Variants in PTPRD observed in about 807,000 individuals in gnomAD.
PTPRD encodes the protein protein tyrosine phosphatase receptor type D, also known as receptor-type tyrosine-protein phosphatase delta.
PTPRD carries 34 observed loss-of-function variants against 214.5 expected under a neutral mutation model. That is an observed-to-expected ratio of 0.16 (90% CI 0.12 to 0.21). The LOEUF (loss-of-function observed/expected upper bound fraction) is 0.21. Among genes scored for constraint, PTPRD ranks in the 10% least tolerant of loss-of-function variants. The pLI, the probability that PTPRD is intolerant of heterozygous loss-of-function variation, is 1.00. For synonymous variants in PTPRD, 1,128 were observed against 845.7 expected (o/e 1.33, Z -5.79); for missense variants, 2,545 against 2,398.7 (o/e 1.06, Z -1.27).
chr9:9,058,553 C>T (rs1415787960), intron 10 of PTPRD, among the ~76,000 whole-genome samples: 1 of 143,322 alleles, frequency 7.0e-6, no homozygotes, highest in Non-Finnish European at 1.5e-5. Flanking sequence ...GGGTTCACGC[C>T]ATTCTCCTGC....
At chr9:10,594,570 CA>C (rs2076207838) in intron 2 of PTPRD, among the ~76,000 whole-genome samples, 1 of 151,982 alleles carries the variant, frequency 6.6e-6, no homozygotes, top group African/African-American at 2.4e-5. Flanking sequence ...CTACATTTCT[CA>C]AACAACCTGC....
At chr9:9,579,270 G>A (rs2090007986) in intron 7 of PTPRD, among the ~76,000 whole-genome samples, 3 of 152,168 alleles carry the variant, frequency 2.0e-5, no homozygotes, top group Admixed American at 6.6e-5. Context: ...GCCAAGAAGT[G>A]TGTCAAAGTC....
intron 11 of PTPRD, among the ~76,000 whole-genome samples, chr9:8,852,995 T>C (rs114883067): frequency 6.6e-6 from 1 of 152,126 alleles, no homozygotes. Flanking sequence ...ACGGATGTAA[T>C]ACGTAAAGTA....
chr9:9,081,350 G>A (rs1182330025), intron 10 of PTPRD, among the ~76,000 whole-genome samples: 2 of 152,140 alleles, frequency 1.3e-5, no homozygotes, highest in Non-Finnish European at 1.5e-5. Context: ...TTGCACTGTG[G>A]TCTGAGAGAC....
At chr9:9,301,631 G>C (rs183869488) in intron 9 of PTPRD, among the ~76,000 whole-genome samples, 1 of 151,778 alleles carries the variant, frequency 6.6e-6, no homozygotes, top group African/African-American at 2.4e-5. Context: ...TACTGAAGCC[G>C]ACTTTTGATG....
At chr9:10,005,684 A>G (rs868010804) in intron 4 of PTPRD, among the ~76,000 whole-genome samples, 63 of 152,194 alleles carry the variant, frequency 4.1e-4, no homozygotes, top group African/African-American at 1.4e-3. Context: ...TCCCTCTGGC[A>G]TGACACTATA....
intron 9 of PTPRD, among the ~76,000 whole-genome samples, chr9:9,363,694 G>A (rs1596396487): frequency 6.6e-6 from 1 of 151,244 alleles, no homozygotes; most frequent in Non-Finnish European, 1.5e-5. Context: ...ATATTCAGCA[G>A]CCTTTCCTAC....
intron 36 of PTPRD, among the ~76,000 whole-genome samples, chr9:8,394,508 TC>T: frequency 6.6e-6 from 1 of 152,284 alleles, no homozygotes; most frequent in Non-Finnish European, 1.5e-5. Context: ...AAACCTGGAC[TC>T]CTGTCTAGGG....
chr9:8,372,253 G>A (rs374440868), intron 39 of PTPRD, among the ~76,000 whole-genome samples: 26 of 152,054 alleles, frequency 1.7e-4, no homozygotes, highest in African/African-American at 5.1e-4. Context: ...TTACGTAGAT[G>A]ATATCCAAAT....
intron 3 of PTPRD, among the ~76,000 whole-genome samples, chr9:10,190,700 A>G (rs2099359975): frequency 6.8e-6 from 1 of 147,590 alleles, no homozygotes; most frequent in South Asian, 2.2e-4. Context: ...CCTGGGCAAC[A>G]AGAGCAAAAC....
chr9:8,836,826 G>C (rs940701412), intron 11 of PTPRD, among the ~76,000 whole-genome samples: 2 of 151,548 alleles, frequency 1.3e-5, no homozygotes, highest in African/African-American at 4.8e-5. Context: ...TTGATCTCCT[G>C]ACCTCGTGAT....
chr9:9,022,684 C>G (rs1029334747), intron 10 of PTPRD, among the ~76,000 whole-genome samples: 1 of 152,116 alleles, frequency 6.6e-6, no homozygotes, highest in Non-Finnish European at 1.5e-5. Flanking sequence ...CTGTATAGAG[C>G]TTTGCTAAGA....
intron 27 of PTPRD, among the ~76,000 whole-genome samples, chr9:8,491,733 G>T (rs1378363217): frequency 1.3e-5 from 2 of 151,864 alleles, no homozygotes; most frequent in East Asian, 1.9e-4. Flanking sequence ...TGCTGTTTGA[G>T]GCAATTCCAG....
chr9:10,431,440 C>A (rs1214979564), intron 2 of PTPRD, among the ~76,000 whole-genome samples: 1 of 152,078 alleles, frequency 6.6e-6, no homozygotes. Context: ...CAAGTGGGAT[C>A]TAATGAAACT....
At chr9:8,975,171 C>G (rs2099261664) in intron 11 of PTPRD, among the ~76,000 whole-genome samples, 1 of 150,340 alleles carries the variant, frequency 6.7e-6, no homozygotes, top group African/African-American at 2.4e-5. Flanking sequence ...GGAATGGATA[C>G]ATATTGAATA....
At chr9:10,593,818 A>C (rs1303408544) in intron 2 of PTPRD, among the ~76,000 whole-genome samples, 1 of 151,978 alleles carries the variant, frequency 6.6e-6, no homozygotes, top group East Asian at 1.9e-4. Context: ...AACCTTGAAA[A>C]AAATGTCTTT....
At chr9:9,691,415 C>T (rs374312659) in intron 7 of PTPRD, among the ~76,000 whole-genome samples, 2 of 152,016 alleles carry the variant, frequency 1.3e-5, no homozygotes, top group African/African-American at 2.4e-5. Flanking sequence ...GCTTATTTCA[C>T]TTAACATGAT....
At chr9:9,369,816 G>T (rs1427576867) in intron 9 of PTPRD, among the ~76,000 whole-genome samples, 5 of 152,120 alleles carry the variant, frequency 3.3e-5, no homozygotes, top group African/African-American at 9.7e-5. Flanking sequence ...TCCAGTTTCA[G>T]CTTTCTACAT....
chr9:9,074,625 C>G (rs1569529137), intron 10 of PTPRD, among the ~76,000 whole-genome samples: 1 of 151,944 alleles, frequency 6.6e-6, no homozygotes, highest in Non-Finnish European at 1.5e-5. Context: ...TGATGTTAAG[C>G]ACCTTTCATG....
Sources: gnomAD v4.1 joint callset for allele counts (sites outside exome capture counted in the v4.1 genomes callset) on GRCh38, gnomAD v4.1.1 for gene constraint, MANE v1.5 for transcripts, NCBI Gene and HGNC (gene_info 2026-07-23, HGNC 2026-07-21) for gene names.